Variants in FNDC1 observed in about 807,000 individuals in gnomAD.
FNDC1 encodes the protein fibronectin type III domain-containing protein 1.
Under a neutral mutation model 168.0 loss-of-function variants are expected in FNDC1, and 96 were observed. The ratio of observed to expected loss-of-function variants is 0.57; its 90% CI spans 0.48 to 0.68. FNDC1 has a LOEUF of 0.68. Among genes scored for constraint, FNDC1 ranks in the 30% least tolerant of loss-of-function variants. The pLI is 0.00. For synonymous variants in FNDC1, 1,099 were observed against 1,025.9 expected, an observed-to-expected ratio of 1.07 and a Z score of -1.36; for missense variants, 2,587 against 2,482.1, an observed-to-expected ratio of 1.04 and a Z score of -0.90.
intron 18 of FNDC1, among the ~76,000 whole-genome samples, chr6:159,259,410 G>A (rs1411941184): frequency 6.6e-6 from 1 of 152,076 alleles, no homozygotes; most frequent in South Asian, 2.1e-4. Flanking sequence ...GAATATTTAG[G>A]CTTTAGTGTC....
intron 4 of FNDC1, among the ~76,000 whole-genome samples, chr6:159,206,430 T>G (rs778687002): frequency 2.6e-5 from 4 of 152,244 alleles, no homozygotes; most frequent in Non-Finnish European, 5.9e-5. Context: ...TGCTTTGATT[T>G]ACTCATCTTC....
chr6:159,246,890 G>A lies in FNDC1; in HGVS notation c.4622-11G>A, dbSNP rs1777147955. 3.7e-6 allele frequency: 6 copies of A among 1,604,836 alleles called. No homozygotes were observed. Among genetic ancestry groups the A allele is most frequent in the Non-Finnish European group, 5.1e-6 (6 of 1,171,462 alleles). On this transcript the variant is annotated splice_polypyrimidine_tract_variant and intron_variant, in intron 14 of 22. Transcript: ENST00000297267. ...CGCTGGATGACTGGTCCTTTTCTCTGTCCTCACTAGATGAGTTCTCAGGCT... is the reference window on the plus strand; with the variant it reads ...CGCTGGATGACTGGTCCTTTTCTCTATCCTCACTAGATGAGTTCTCAGGCT...
At chr6:159,174,889 C>G (rs1046610340) in intron 1 of FNDC1, among the ~76,000 whole-genome samples, 3 of 152,140 alleles carry the variant, frequency 2.0e-5, no homozygotes, top group Non-Finnish European at 4.4e-5. Context: ...TGATGGGTCC[C>G]GTCTCAGCCT....
chr6:159,215,153 T>C lies in FNDC1; in HGVS notation c.667+2T>C. 1 of 1,612,720 alleles carries C rather than the reference T, an allele frequency of 6.2e-7. No individual in the cohort carries two copies. Among genetic ancestry groups the C allele is most frequent in the Non-Finnish European group, 8.5e-7 (1 of 1,178,706 alleles). On this transcript the variant is annotated splice_donor_variant, in intron 5 of 22. Transcript: ENST00000297267. LOFTEE classifies it high-confidence loss of function. ...GGACACACGAAATTAAAAAGCTAGG[T>C]GAGTTTCATATTCATTGGTATTCAA...
intron 1 of FNDC1, among the ~76,000 whole-genome samples, chr6:159,185,068 G>C (rs1409539180): frequency 2.7e-5 from 1 of 37,226 alleles, no homozygotes; most frequent in Non-Finnish European, 4.4e-5. Context: ...TATGGAGGGT[G>C]GGGGGGGGGG....
Position 159,251,403 on chromosome 6 carries a change from A to C in FNDC1, c.4936A>C (p.Asn1646His). The C allele has an allele frequency of 6.2e-7, 1 of 1,613,958 alleles. No homozygotes were observed. Among genetic ancestry groups the C allele is most frequent in the Non-Finnish European group, 8.5e-7 (1 of 1,179,874 alleles). The change falls in exon 17 of 23, where the codon AAT becomes CAT. Residue 1646 changes from asparagine (N) to histidine (H), a missense_variant. Asn to His is a moderately conservative substitution (Grantham distance 68, BLOSUM62 1). Coordinates refer to ENST00000297267, the MANE Select transcript of FNDC1 (RefSeq NM_032532.3). ...GGACAGCCTGGATGAAATCATCCCC[A>C]ATGACCTGAAGAAGAGTGACCTGCC... ...QVDSLDEIIP[N>H]DLKKSDLPPQ...
At chr6:159,219,046 CTTT>C (rs11435161) in intron 5 of FNDC1, among the ~76,000 whole-genome samples, 2 of 146,720 alleles carry the variant, frequency 1.4e-5, no homozygotes. Flanking sequence ...AGTTTCCCCT[CTTT>C]TTTTTTTTTG....
chr6:159,191,558 T>C (rs751320535), intron 1 of FNDC1, among the ~76,000 whole-genome samples: 4 of 152,270 alleles, frequency 2.6e-5, no homozygotes, highest in Non-Finnish European at 5.9e-5. Context: ...CTCAGCTGTG[T>C]ATTTTAACTT....
chr6:159,225,613 G>T lies in FNDC1; in HGVS notation c.963G>T (p.Leu321=). Residue 321 remains leucine (L), a synonymous_variant, in exon 8 of 23, where the codon CTG becomes CTT. Coordinates refer to ENST00000297267, the MANE Select transcript of FNDC1 (RefSeq NM_032532.3). ...AGCAGATCGCTAACAGGCGTGTGCT[G>T]ATTGAGAACCTGATTCCAGACACTG... ...DYKQIANRRV[L]IENLIPDTVY... is the part of the protein sequence containing the mutation. 6.2e-7 allele frequency: 1 copy of T among 1,613,978 alleles called. No individual in the cohort carries two copies. The highest frequency in any genetic ancestry group is 8.5e-7 in the Non-Finnish European group (1 of 1,179,878).
rs773219655 is a variant in FNDC1, at chr6:159,233,652, G to A, written c.3140G>A (p.Gly1047Asp). Residue 1047 changes from glycine to aspartate, a missense_variant, in exon 11 of 23, where the codon GGC becomes GAC. By Grantham distance (94) the Gly-to-Asp change is moderately conservative. Coordinates refer to ENST00000297267, the MANE Select transcript of FNDC1 (RefSeq NM_032532.3). This position sits in a 1 kb window ranked among gnomAD's most constrained non-coding sequence, Gnocchi z 4.6. ...GGGCGGCCCCGCCCCACGTCGCAGG[G>A]CCGCTCCCACTCCTCCTCGGACCCT... is the stretch of plus-strand genomic sequence containing the variant. The part of the protein sequence containing the change: ...QAGRPRPTSQ[G>D]RSHSSSDPYT... The A allele has an allele frequency of 7.1e-6, 11 of 1,552,990 alleles. No homozygotes were observed. The highest frequency in any genetic ancestry group is 1.9e-5 in the Admixed American group (1 of 52,222).
Position 159,200,014 on chromosome 6 carries a change from T to C in FNDC1, c.323T>C (p.Phe108Ser), listed in dbSNP as rs762545817. Reference sequence around the variant, plus strand: ...GTTTCAGAGCCGGGGGTAGTGTACTTTGTGCTGCTTACTGCAGAAAACCAC... The same window carrying C: ...GTTTCAGAGCCGGGGGTAGTGTACTCTGTGCTGCTTACTGCAGAAAACCAC... ...IEDVEPGVVY[F>S]VLLTAENHSG... Residue 108 changes from phenylalanine to serine, a missense_variant, in exon 3 of 23, where the codon TTT (phenylalanine) becomes TCT (serine). Physicochemically the swap from Phe to Ser is radical, Grantham distance 155. Coordinates refer to ENST00000297267, the MANE Select transcript of FNDC1 (RefSeq NM_032532.3). 15 of 1,605,858 alleles carry C rather than the reference T, an allele frequency of 9.3e-6. No homozygotes were observed. The highest frequency in any genetic ancestry group is 1.3e-5 in the Non-Finnish European group (15 of 1,176,132).
At chr6:159,187,866 A>C (rs919497658) in intron 1 of FNDC1, among the ~76,000 whole-genome samples, 1 of 152,148 alleles carries the variant, frequency 6.6e-6, no homozygotes, top group Non-Finnish European at 1.5e-5. Context: ...GTATCGTATG[A>C]ATGATAGCTT....
Position 159,239,516 on chromosome 6 carries a change from G to T in FNDC1, c.4181-1G>T, listed in dbSNP as rs1450386665. The stretch of plus-strand genomic sequence containing the variant: ...ATAGCTATTGGTTGATTTTGTTTCA[G>T]ATCTGGAAGGGACCCCCGTGGTGAG... On this transcript the variant is annotated splice_acceptor_variant, in intron 13 of 22. Transcript: ENST00000297267. LOFTEE classifies it high-confidence loss of function. 1 of 1,581,968 alleles carries T rather than the reference G, an allele frequency of 6.3e-7. No individual in the cohort carries two copies. Among genetic ancestry groups the T allele is most frequent in the Non-Finnish European group, 8.6e-7 (1 of 1,161,574 alleles).
rs1562301714 is a variant in FNDC1 at position 159,234,100 on chromosome 6, G to C, written c.3588G>C (p.Leu1196=). The change falls in exon 11 of 23, where the codon CTG becomes CTC. Residue 1196 remains leucine (L), a synonymous_variant. Coordinates refer to ENST00000297267, the MANE Select transcript of FNDC1 (RefSeq NM_032532.3). ...TTAAAGGCGGGAAAGAAGACCTTCT[G>C]TCTTCCTCTGTGCCAAAGTGGCCCT... The part of the protein sequence containing the change: ...GFFKGGKEDL[L]SSSVPKWPSS... 6.2e-7 allele frequency: 1 copy of C among 1,610,084 alleles called. No homozygotes were observed. The highest frequency in any genetic ancestry group is 8.5e-7 in the Non-Finnish European group (1 of 1,178,262).
chr6:159,225,614 A>G lies in FNDC1; in HGVS notation c.964A>G (p.Ile322Val), dbSNP rs375862386. 1 of 1,613,986 alleles carries G rather than the reference A, an allele frequency of 6.2e-7. No individual in the cohort carries two copies. The highest frequency in any genetic ancestry group is 1.3e-5 in the African/African-American group (1 of 75,032). Residue 322 changes from isoleucine to valine, a missense_variant, in exon 8 of 23, where the codon ATT becomes GTT. Physicochemically the swap from Ile to Val is conservative, Grantham distance 29. Transcript: ENST00000297267. ...GCAGATCGCTAACAGGCGTGTGCTG[A>G]TTGAGAACCTGATTCCAGACACTGT... ...YKQIANRRVL[I>V]ENLIPDTVYE...
chr6:159,233,750 G>A lies in FNDC1; in HGVS notation c.3238G>A (p.Asp1080Asn), dbSNP rs2114992775. ...NQDEDAQGSY[D>N]DDSTEVEAQD... ...GGACGAGGATGCCCAGGGCAGCTAC[G>A]ACGACGACAGCACAGAAGTCGAGGC... Residue 1080 changes from aspartate (D) to asparagine (N), a missense_variant, in exon 11 of 23, where the codon GAC (aspartate) becomes AAC (asparagine). Physicochemically the swap from Asp to Asn is conservative, Grantham distance 23. Transcript: ENST00000297267. The surrounding 1 kb of genome is among the most constrained non-coding windows in gnomAD (Gnocchi z 4.6). 6.5e-7 allele frequency: 1 copy of A among 1,547,810 alleles called. No individual in the cohort carries two copies.
chr6:159,184,048 C>T (rs1562628345), intron 1 of FNDC1, among the ~76,000 whole-genome samples: 1 of 152,264 alleles, frequency 6.6e-6, no homozygotes, highest in African/African-American at 2.4e-5. Flanking sequence ...CTGAGCTTGA[C>T]TGTCACTTAC....
chr6:159,249,632 T>C (rs1777216121), intron 16 of FNDC1, among the ~76,000 whole-genome samples: 1 of 152,258 alleles, frequency 6.6e-6, no homozygotes, highest in Admixed American at 6.5e-5. Context: ...TTTTCTTTAG[T>C]TATTTCCTAT....
Position 159,251,319 on chromosome 6 carries a change from CTAAA to C in FNDC1, c.4857_4860del (p.Asn1619LysfsTer9), listed in dbSNP as rs1777257920. On this transcript the variant is annotated frameshift_variant, in exon 17 of 23. Coordinates refer to ENST00000297267, the MANE Select transcript of FNDC1 (RefSeq NM_032532.3). LOFTEE classifies it high-confidence loss of function. ...TTTTCCAGCTCCTTACGTGACGTAC[CTAAA>C]TAAAGACCCATCAGCCCCGTGCTCT... 2 of 1,613,574 alleles carry C rather than the reference CTAAA, an allele frequency of 1.2e-6. No homozygotes were observed. Among genetic ancestry groups the C allele is most frequent in the Non-Finnish European group, 1.7e-6 (2 of 1,179,730 alleles).
Sources: allele counts gnomAD v4.1 joint callset (sites outside exome capture counted in the v4.1 genomes callset), GRCh38; gene constraint gnomAD v4.1.1; non-coding constraint Gnocchi (gnomAD v3.1); transcripts MANE v1.5; gene names NCBI Gene and HGNC (gene_info 2026-07-23, HGNC 2026-07-21).